ADCYAP1R1: variants seen among roughly 807,000 people sequenced by gnomAD.
The protein encoded by ADCYAP1R1 is pituitary adenylate cyclase-activating polypeptide type I receptor.
In ADCYAP1R1, 44 loss-of-function variants were observed where a neutral mutation model predicts 67.6. That is an observed-to-expected ratio of 0.65 (90% CI 0.51 to 0.84). The LOEUF (loss-of-function observed/expected upper bound fraction) is 0.84. Among genes scored for constraint, ADCYAP1R1 ranks in the 40% least tolerant of loss-of-function variants. The probability of loss-of-function intolerance (pLI) is 0.00; values close to 1 mark genes in which losing one functional copy is unlikely to be tolerated. For synonymous variants in ADCYAP1R1, 222 were observed against 219.6 expected (o/e 1.01, Z -0.10); for missense variants, 477 against 587.9 (o/e 0.81, Z 1.95).
At chr7:31,074,345 C>G (rs1349803861) in intron 3 of ADCYAP1R1, among the ~76,000 whole-genome samples, 1 of 152,234 alleles carries the variant, frequency 6.6e-6, no homozygotes, top group African/African-American at 2.4e-5. Context: ...TTCTCCACCA[C>G]TGGCCCTGGT....
chr7:31,091,889 T>C (rs1011404579), intron 12 of ADCYAP1R1, among the ~76,000 whole-genome samples: 16 of 152,016 alleles, frequency 1.1e-4, no homozygotes, highest in Non-Finnish European at 4.4e-5. Context: ...TTTTTTATAA[T>C]TATTAATTTC....
chr7:31,084,217 G>T lies in ADCYAP1R1; in HGVS notation c.405G>T (p.Gly135=). Residue 135 remains glycine, a synonymous_variant, in exon 7 of 16, where the codon GGG becomes GGT. Coordinates refer to ENST00000304166, the MANE Select transcript of ADCYAP1R1 (RefSeq NM_001118.5). ...EPFPHYFDAC[G]FDEYESETGD... is the part of the protein sequence containing the mutation. ...TCCCTCATTACTTTGATGCCTGTGG[G>T]TTTGATGAATATGAATCTGAGACTG... 6.2e-7 allele frequency: 1 copy of T among 1,614,200 alleles called. No individual in the cohort carries two copies. Among genetic ancestry groups the T allele is most frequent in the Non-Finnish European group, 8.5e-7 (1 of 1,180,032 alleles).
At chr7:31,061,744 C>CT (rs1165983083) in intron 1 of ADCYAP1R1, among the ~76,000 whole-genome samples, 1 of 152,112 alleles carries the variant, frequency 6.6e-6, no homozygotes, top group African/African-American at 2.4e-5. Context: ...TGGAGAGGCC[C>CT]TGTGGGAGGC....
chr7:31,056,691 T>C (rs1006765524), intron 1 of ADCYAP1R1, among the ~76,000 whole-genome samples: 8 of 152,144 alleles, frequency 5.3e-5, no homozygotes, highest in Non-Finnish European at 8.8e-5. Context: ...TGCCTGCACT[T>C]TCCCCCTTCA....
At position 31,082,820 on chromosome 7, in the gene ADCYAP1R1, G is replaced by T. The variant is rs1399040236; in HGVS notation, c.328+1066G>T. On this transcript the variant is annotated intron_variant, in intron 6 of 15. Transcript: ENST00000304166. ...GGAGAAGGACTGTTGGAGTCTCCCT[G>T]TTGTGGGCAGAACTCTCCTTTCGGG... Among the ~76,000 whole-genome samples, 4 of 152,376 alleles carry T rather than the reference G, an allele frequency of 2.6e-5. No individual in the cohort carries two copies. In the East Asian group the frequency reaches 7.7e-4, roughly 29 times the overall value.
chr7:31,057,157 C>T, intron 1 of ADCYAP1R1: 1 of 152,610 alleles, frequency 6.6e-6, no homozygotes, highest in Non-Finnish European at 1.5e-5. Context: ...GGCCAGGCTT[C>T]CTGTTCTCCT....
At chr7:31,083,854 G>A (rs1213942037) in intron 6 of ADCYAP1R1, among the ~76,000 whole-genome samples, 3 of 152,186 alleles carry the variant, frequency 2.0e-5, no homozygotes, top group Non-Finnish European at 4.4e-5. Context: ...GCCCAGGGGA[G>A]GACTCAGGCC....
In ADCYAP1R1 at chr7:31,086,020, T is replaced by C. The variant is rs1221930763; in HGVS notation, c.670-364T>C. ...AATATGTATCCCCCCACCTGAAAGGTGTCCAAATCCTCATTATACCAAGGA... is the reference window on the plus strand; with the variant it reads ...AATATGTATCCCCCCACCTGAAAGGCGTCCAAATCCTCATTATACCAAGGA... On this transcript the variant is annotated intron_variant, in intron 9 of 15. Coordinates refer to ENST00000304166, the MANE Select transcript of ADCYAP1R1 (RefSeq NM_001118.5). This position sits in a 1 kb window ranked among gnomAD's most constrained non-coding sequence, Gnocchi z 5.0. Among the ~76,000 whole-genome samples the C allele has an allele frequency of 6.6e-6, 1 of 152,148 alleles. No individual in the cohort carries two copies. The highest frequency in any genetic ancestry group is 1.5e-5 in the Non-Finnish European group (1 of 68,008).
intron 13 of ADCYAP1R1, chr7:31,095,543 G>C (rs1382455169): frequency 2.9e-6 from 2 of 696,912 alleles, no homozygotes; most frequent in Non-Finnish European, 5.3e-6. Context: ...GGCAGTGAAT[G>C]GGGGGAGAGG....
At chr7:31,084,365 C>A in intron 7 of ADCYAP1R1, 115 bp downstream of exon 7, 1 of 774,494 alleles carries the variant, frequency 1.3e-6, no homozygotes, top group South Asian at 1.6e-5. Context: ...GGGATGCTGC[C>A]TACTCCTCCC....
At chr7:31,083,086 C>A (rs572668165) in intron 6 of ADCYAP1R1, among the ~76,000 whole-genome samples, 3 of 152,378 alleles carry the variant, frequency 2.0e-5, no homozygotes, top group South Asian at 2.1e-4. Flanking sequence ...ACTGGAGCCC[C>A]TTTTCTGCAG....
At chr7:31,103,043 G>A (rs1670369525) in intron 13 of ADCYAP1R1, among the ~76,000 whole-genome samples, 194 bp from the exon 14 acceptor site, 1 of 152,146 alleles carries the variant, frequency 6.6e-6, no homozygotes, top group Admixed American at 6.5e-5. Context: ...GCAGACTGGG[G>A]ATGTCTCCCC....
intron 2 of ADCYAP1R1, 31 bp downstream of exon 2, chr7:31,063,346 C>T (rs199601275): frequency 6.2e-7 from 1 of 1,613,434 alleles, no homozygotes; most frequent in Admixed American, 1.7e-5. Flanking sequence ...CTCTGGGAGC[C>T]CCAGGCTCAC....
At chr7:31,069,962 G>A (rs1035152979) in intron 3 of ADCYAP1R1, among the ~76,000 whole-genome samples, 1 of 152,208 alleles carries the variant, frequency 6.6e-6, no homozygotes, top group Non-Finnish European at 1.5e-5. Context: ...AAATGCTAAT[G>A]GGATTTAAGC....
At chr7:31,090,833 T>C (rs1795936191) in intron 12 of ADCYAP1R1, among the ~76,000 whole-genome samples, 1 of 152,224 alleles carries the variant, frequency 6.6e-6, no homozygotes, top group African/African-American at 2.4e-5. Context: ...TGGGCACCTA[T>C]GTGGGTCCCA....
At chr7:31,077,627 GTATGA>G (rs1314502979) in intron 3 of ADCYAP1R1, among the ~76,000 whole-genome samples, 4 of 146,462 alleles carry the variant, frequency 2.7e-5, no homozygotes, top group Admixed American at 2.7e-4. Context: ...TGTGTAGTGT[GTATGA>G]TATATGTGTG....
At chr7:31,081,644 G>T in intron 5 of ADCYAP1R1, 69 bp from the exon 6 acceptor site, 2 of 1,330,106 alleles carry the variant, frequency 1.5e-6, no homozygotes, top group Non-Finnish European at 1.0e-6. Flanking sequence ...AGCCTTCCAG[G>T]GTGGAGAGTA....
At chr7:31,085,125 G>A (rs1795682960) in intron 8 of ADCYAP1R1, among the ~76,000 whole-genome samples, 185 bp from the exon 9 acceptor site, 1 of 152,222 alleles carries the variant, frequency 6.6e-6, no homozygotes, top group African/African-American at 2.4e-5. Context: ...ATGTGGGGTG[G>A]TGGAGCTGGG....
chr7:31,094,477 C>A (rs1364205922), intron 13 of ADCYAP1R1, among the ~76,000 whole-genome samples: 1 of 152,138 alleles, frequency 6.6e-6, no homozygotes, highest in African/African-American at 2.4e-5. Flanking sequence ...TGGCAGGGAG[C>A]TAAGTCAACC....
Sources: allele counts gnomAD v4.1 joint callset (sites outside exome capture counted in the v4.1 genomes callset), GRCh38; gene constraint gnomAD v4.1.1; non-coding constraint Gnocchi (gnomAD v3.1); transcripts MANE v1.5; gene names NCBI Gene and HGNC (gene_info 2026-07-23, HGNC 2026-07-21).